Variants in TMPRSS3 observed in about 807,000 individuals in gnomAD.
TMPRSS3 encodes transmembrane protease serine 3.
TMPRSS3 carries 55 observed loss-of-function variants against 59.6 expected under a neutral mutation model. The ratio of observed to expected loss-of-function variants is 0.92; its 90% CI spans 0.74 to 1.16. The LOEUF is 1.16. TMPRSS3 is among the 50% of genes most tolerant of loss of function. The pLI is 0.00. For missense variants in TMPRSS3, 596 were observed against 579.4 expected (o/e 1.03, Z -0.29); for synonymous variants, 257 against 237.7 (o/e 1.08, Z -0.75).
chr21:42,392,233 A>G (rs1191326463), intron 2 of TMPRSS3, among the ~76,000 whole-genome samples: 1 of 152,162 alleles, frequency 6.6e-6, no homozygotes, highest in Non-Finnish European at 1.5e-5. Context: ...CTCTGGCAAT[A>G]AGGAGTGTGA....
intron 8 of TMPRSS3, 169 bp downstream of exon 8, chr21:42,382,864 A>G (rs1020148074): frequency 5.1e-6 from 4 of 779,640 alleles, no homozygotes; most frequent in Non-Finnish European, 8.6e-6. Flanking sequence ...CCCCCAGCTG[A>G]TGATGATGGG....
chr21:42,375,870 T>G lies in TMPRSS3; in HGVS notation c.1192-2A>C, dbSNP rs2052420015. 6.2e-7 allele frequency: 1 copy of G among 1,613,370 alleles called. No individual in the cohort carries two copies. The highest frequency in any genetic ancestry group is 2.2e-5 in the East Asian group (1 of 44,878). ...CACCAGGGGCCCCCCGCTGTCCCCC[T>G]GGGTGACAGGAAAGAAGCAAAGATT... is the stretch of plus-strand genomic sequence containing the variant. On this transcript the variant is annotated splice_acceptor_variant, in intron 11 of 12. Transcript: ENST00000644384. LOFTEE classifies it high-confidence loss of function.
rs1397182943 is a variant in TMPRSS3, at chr21:42,385,477, C to A, written c.504G>T (p.Glu168Asp). 1.2e-6 allele frequency: 2 copies of A among 1,614,218 alleles called. No individual in the cohort carries two copies. The highest frequency in any genetic ancestry group is 1.7e-6 in the Non-Finnish European group (2 of 1,180,044). The change falls in exon 6 of 13, where the codon GAG (glutamate) becomes GAT (aspartate). Residue 168 changes from glutamate (E) to aspartate (D), a missense_variant. Transcript: ENST00000644384. ...VSSLEGQFRE[E>D]FVSIDHLLPD... ...GCAAGAGGTGATCGATGGACACAAACTCCTCCCGGAACTGCCCCTCCAGCG... is the reference window on the plus strand; with the variant it reads ...GCAAGAGGTGATCGATGGACACAAAATCCTCCCGGAACTGCCCCTCCAGCG...
At chr21:42,386,777 GTTAT>G (rs200754702) in intron 5 of TMPRSS3, among the ~76,000 whole-genome samples, 781 of 69,604 alleles carry the variant, frequency 0.011, 5 homozygotes, top group African/African-American at 0.057. Flanking sequence ...CCGTCCTTTG[GTTAT>G]TTATTTATTT....
At position 42,382,647 on chromosome 21, in the gene TMPRSS3, A is replaced by G. The variant is rs140695902; in HGVS notation, c.782+386T>C. 43 of 397,094 alleles carry G rather than the reference A, an allele frequency of 1.1e-4. No homozygotes were observed. In the East Asian group the frequency reaches 2.1e-3, roughly 19 times the overall value. The allele number at this position is 397,094 out of a possible 1,614,324, so 24.6% of individuals were successfully genotyped here. Reference sequence around the variant, plus strand: ...CTGAGATTTTAAGAAGAGACCCAGTACCTGGCCCCCAACATATTCCCTCTA... The same window carrying G: ...CTGAGATTTTAAGAAGAGACCCAGTGCCTGGCCCCCAACATATTCCCTCTA... On this transcript the variant is annotated intron_variant, in intron 8 of 12. Coordinates refer to ENST00000644384, the MANE Select transcript of TMPRSS3 (RefSeq NM_001256317.3).
Position 42,381,239 on chromosome 21 carries a change from C to T in TMPRSS3, c.952+826G>A, listed in dbSNP as rs564123500. 2.0e-3 allele frequency among the ~76,000 whole-genome samples: 299 copies of T among 152,362 alleles called. 1 individual carries two copies. Among genetic ancestry groups the T allele is most frequent in the Non-Finnish European group, 3.5e-3 (236 of 68,036 alleles). On this transcript the variant is annotated intron_variant, in intron 9 of 12. Coordinates refer to ENST00000644384, the MANE Select transcript of TMPRSS3 (RefSeq NM_001256317.3). Reference sequence around the variant, plus strand: ...TTTGAAAGTTTTATCAGGTGTGGCTCTTCTGGCATTTTCGTAATGTCCAGA... The same window carrying T: ...TTTGAAAGTTTTATCAGGTGTGGCTTTTCTGGCATTTTCGTAATGTCCAGA...
In TMPRSS3 at chr21:42,381,026, G is replaced by A. The variant is rs142846489; in HGVS notation, c.953-814C>T. 6.6e-5 allele frequency among the ~76,000 whole-genome samples: 10 copies of A among 152,290 alleles called. No homozygotes were observed. The South Asian group carries it at 8.3e-4, about 13-fold the overall frequency. ...GGAAATATTTGTTTCTGGGCATTAC[G>A]TGTCCATGTGATGGATGCAGTAATG... is the stretch of plus-strand genomic sequence containing the variant. On this transcript the variant is annotated intron_variant, in intron 9 of 12. Transcript: ENST00000644384.
Position 42,388,919 on chromosome 21 carries a change from A to G in TMPRSS3, c.322+10T>C, listed in dbSNP as rs200171775. The G allele has an allele frequency of 1.7e-4, 266 of 1,611,464 alleles. No homozygotes were observed. Among genetic ancestry groups the G allele is most frequent in the Admixed American group, 1.0e-3 (62 of 60,006 alleles). On this transcript the variant is annotated intron_variant, in intron 4 of 12. Transcript: ENST00000644384. This position sits in a 1 kb window ranked among gnomAD's most constrained non-coding sequence, Gnocchi z 5.1. ...CTTCTGTTTCCCCAGGGGAAGAGCC[A>G]TGACCTTACCACAGCGGTACTCGTC...
chr21:42,380,310 T>C (rs1432547139), intron 9 of TMPRSS3, 98 bp from the exon 10 acceptor site: 2 of 988,190 alleles, frequency 2.0e-6, no homozygotes, highest in East Asian at 5.1e-5. Context: ...CCAAACTATC[T>C]CCCAAGGGAA....
intron 9 of TMPRSS3, among the ~76,000 whole-genome samples, chr21:42,381,230 G>A (rs935180924): frequency 6.6e-6 from 1 of 152,216 alleles, no homozygotes; most frequent in Non-Finnish European, 1.5e-5. Flanking sequence ...AGTTTTATCA[G>A]GTGTGGCTCT....
chr21:42,392,229 C>A (rs1490884010), intron 2 of TMPRSS3, among the ~76,000 whole-genome samples: 9 of 152,098 alleles, frequency 5.9e-5, no homozygotes, highest in Admixed American at 2.6e-4. Flanking sequence ...TACCCTCTGG[C>A]AATAAGGAGT....
At chr21:42,395,779 A>C in intron 1 of TMPRSS3, 163 bp downstream of exon 1, 1 of 397,050 alleles carries the variant, frequency 2.5e-6, no homozygotes, top group Non-Finnish European at 4.9e-6. Context: ...ACTCCCTCTC[A>C]CCATTTAGAA....
chr21:42,391,935 G>C (rs1271407006), intron 2 of TMPRSS3, among the ~76,000 whole-genome samples: 1 of 152,170 alleles, frequency 6.6e-6, no homozygotes, highest in African/African-American at 2.4e-5. Context: ...TGGGCAGCAG[G>C]AGAATTCCCA....
Position 42,390,325 on chromosome 21 carries a change from C to T in TMPRSS3, c.95-288G>A, listed in dbSNP as rs117564654. 3,722 of 411,028 alleles carry T rather than the reference C, an allele frequency of 9.1e-3. 19 individuals are homozygous for T. The highest frequency in any genetic ancestry group is 0.012 in the Non-Finnish European group (2,659 of 217,222). The allele number at this position is 411,028 out of a possible 1,614,324, so 25.5% of individuals were successfully genotyped here. ...GTTGAGGTCTTAACTCTTAGTACCT[C>T]AGAATGGCATCTTATTTGGAGATGG... is the stretch of plus-strand genomic sequence containing the variant. On this transcript the variant is annotated intron_variant, in intron 2 of 12. Coordinates refer to ENST00000644384, the MANE Select transcript of TMPRSS3 (RefSeq NM_001256317.3).
In TMPRSS3 at chr21:42,382,973, C is replaced by T. The variant is rs529246679; in HGVS notation, c.782+60G>A. ...CCCGCTTCTCACCACCCAAAGCAGC[C>T]CCACCCTGACATGACCCAGGAGTGA... On this transcript the variant is annotated intron_variant, in intron 8 of 12. Transcript: ENST00000644384. The T allele has an allele frequency of 5.6e-6, 9 of 1,606,374 alleles. No homozygotes were observed. In the South Asian group the frequency reaches 9.9e-5, roughly 18 times the overall value.
intron 7 of TMPRSS3, 35 bp downstream of exon 7, chr21:42,383,935 C>T: frequency 1.2e-6 from 2 of 1,612,674 alleles, no homozygotes; most frequent in South Asian, 1.1e-5. Context: ...CATGTGCTTG[C>T]TCCCCCTGGA....
chr21:42,375,189 C>T (rs2052401656), intron 12 of TMPRSS3, among the ~76,000 whole-genome samples: 1 of 151,134 alleles, frequency 6.6e-6, no homozygotes, highest in Non-Finnish European at 1.5e-5. Flanking sequence ...TGCCCCCCTG[C>T]AGGCCCCTCC....
At chr21:42,383,824 A>G in intron 7 of TMPRSS3, 146 bp downstream of exon 7, 1 of 833,134 alleles carries the variant, frequency 1.2e-6, no homozygotes, top group Middle Eastern at 2.2e-4. Context: ...CCCCTCCTCC[A>G]GCAGGTAGGG....
At chr21:42,383,897 A>T (rs773409810) in intron 7 of TMPRSS3, 73 bp downstream of exon 7, 3 of 1,505,616 alleles carry the variant, frequency 2.0e-6, no homozygotes, top group Admixed American at 1.7e-5. Flanking sequence ...GGGGGAGAGG[A>T]CTCTGAGGGC....
Sources: allele counts gnomAD v4.1 joint callset (sites outside exome capture counted in the v4.1 genomes callset), GRCh38; gene constraint gnomAD v4.1.1; non-coding constraint Gnocchi (gnomAD v3.1); transcripts MANE v1.5; gene names NCBI Gene and HGNC (gene_info 2026-07-23, HGNC 2026-07-21).